HPGD: variants seen among roughly 807,000 people sequenced by gnomAD.
HPGD encodes the protein 15-hydroxyprostaglandin dehydrogenase, also known as 15-hydroxyprostaglandin dehydrogenase [NAD(+)].
A neutral mutation model predicts 30.0 loss-of-function variants in HPGD; 29 were observed. That is an observed-to-expected ratio of 0.97 (90% CI 0.72 to 1.32). The LOEUF is 1.32. Among genes scored for constraint, HPGD ranks in the 40% most tolerant of loss-of-function variants. The pLI, the probability that HPGD is intolerant of heterozygous loss-of-function variation, is 0.00. For synonymous variants in HPGD, 99 were observed against 112.4 expected (o/e 0.88, Z 0.75); for missense variants, 340 against 322.1 (o/e 1.06, Z -0.43).
intron 4 of HPGD, among the ~76,000 whole-genome samples, chr4:174,500,172 C>T (rs956421985): frequency 3.9e-5 from 6 of 152,148 alleles, no homozygotes; most frequent in Admixed American, 3.3e-4. Flanking sequence ...TGATAAATAT[C>T]AGATGTTATA....
At position 174,496,056 on chromosome 4, in the gene HPGD, CAG is replaced by C. The variant is rs1215726244; in HGVS notation, c.422-434_422-433del. On this transcript the variant is annotated intron_variant, in intron 4 of 6. Transcript: ENST00000296522. The surrounding 1 kb of genome is among the most constrained non-coding windows in gnomAD (Gnocchi z 4.6). Reference sequence around the variant, plus strand: ...TAATGGCTGAAGGAATTTGAATCTTCAGAGAGTCTTGGAGATTATTAGTCTTC... The same window carrying C: ...TAATGGCTGAAGGAATTTGAATCTTCAGAGTCTTGGAGATTATTAGTCTTC... Among the ~76,000 whole-genome samples the C allele has an allele frequency of 6.6e-6, 1 of 152,170 alleles. No individual in the cohort carries two copies. The highest frequency in any genetic ancestry group is 6.5e-5 in the Admixed American group (1 of 15,280).
Position 174,521,937 on chromosome 4 carries a change from G to C in HPGD, c.217+7C>G. 4.3e-6 allele frequency: 7 copies of C among 1,614,052 alleles called. No individual in the cohort carries two copies. The highest frequency in any genetic ancestry group is 5.9e-6 in the Non-Finnish European group (7 of 1,179,974). The stretch of plus-strand genomic sequence containing the variant: ...TCCCAGTTGACAGATTGATTCCCCT[G>C]TCTTACCTCTCAGTTGTTGCTGGTC... On this transcript the variant is annotated splice_region_variant and intron_variant, in intron 2 of 6. Transcript: ENST00000296522.
intron 3 of HPGD, among the ~76,000 whole-genome samples, chr4:174,513,786 TCTGAAAATATAGAATAG>T (rs1215835446): frequency 6.6e-6 from 1 of 151,990 alleles, no homozygotes; most frequent in African/African-American, 2.4e-5. Context: ...TAATTTTATA[TCTGAAAATATAGAATAG>T]ATTAAAAAAT....
intron 4 of HPGD, among the ~76,000 whole-genome samples, chr4:174,503,144 T>C (rs1451773017): frequency 1.3e-5 from 2 of 152,188 alleles, no homozygotes. Context: ...TGATTACTTC[T>C]ACTATGTGTC....
rs1734604677 is a variant in HPGD at position 174,496,526 on chromosome 4, T to G, written c.422-902A>C. On this transcript the variant is annotated intron_variant, in intron 4 of 6. Transcript: ENST00000296522. This position sits in a 1 kb window ranked among gnomAD's most constrained non-coding sequence, Gnocchi z 4.6. Reference sequence around the variant, plus strand: ...TTTCTCAAAATTGTTAATTATCTAATCAGCAATCAAATTGAACCAGAGTCA... The same window carrying G: ...TTTCTCAAAATTGTTAATTATCTAAGCAGCAATCAAATTGAACCAGAGTCA... Among the ~76,000 whole-genome samples the G allele has an allele frequency of 1.3e-5, 2 of 152,234 alleles. No homozygotes were observed. Among genetic ancestry groups the G allele is most frequent in the South Asian group, 4.1e-4 (2 of 4,838 alleles).
chr4:174,507,718 A>G (rs748511960), intron 4 of HPGD: 24 of 166,402 alleles, frequency 1.4e-4, no homozygotes, highest in Non-Finnish European at 3.1e-4. Context: ...ATCATTGATG[A>G]TTTTTTCCTA....
At chr4:174,501,414 G>C (rs933492252) in intron 4 of HPGD, among the ~76,000 whole-genome samples, 4 of 152,114 alleles carry the variant, frequency 2.6e-5, no homozygotes, top group African/African-American at 9.7e-5. Context: ...GTTTAACATT[G>C]TGAGAAATCC....
In HPGD at chr4:174,492,674, C is replaced by A. The variant is rs1390238912; in HGVS notation, c.662+477G>T. 6.6e-6 allele frequency among the ~76,000 whole-genome samples: 1 copy of A among 152,014 alleles called. No homozygotes were observed. Among genetic ancestry groups the A allele is most frequent in the Non-Finnish European group, 1.5e-5 (1 of 67,924 alleles). ...GTTAGTGGTAGAGCCAAGATTTGAT[C>A]TCAGGTCTGATTCCTTCAACATGAT... On this transcript the variant is annotated intron_variant, in intron 6 of 6. Transcript: ENST00000296522. The surrounding 1 kb of genome is among the most constrained non-coding windows in gnomAD (Gnocchi z 4.9).
chr4:174,510,808 G>A (rs1735449451), intron 3 of HPGD, among the ~76,000 whole-genome samples: 1 of 152,038 alleles, frequency 6.6e-6, no homozygotes. Flanking sequence ...ATATACGCAT[G>A]TGCACGTGTG....
At chr4:174,493,926 T>C (rs1396444204) in intron 5 of HPGD, among the ~76,000 whole-genome samples, 1 of 152,232 alleles carries the variant, frequency 6.6e-6, no homozygotes, top group African/African-American at 2.4e-5. Context: ...AAATCAATAC[T>C]TGTGGAGCAT....
At chr4:174,505,574 T>G (rs935148363) in intron 4 of HPGD, among the ~76,000 whole-genome samples, 1 of 152,162 alleles carries the variant, frequency 6.6e-6, no homozygotes, top group African/African-American at 2.4e-5. Flanking sequence ...ATATCCTGAA[T>G]TTTTATCAAA....
At chr4:174,511,754 C>G (rs1292872559) in intron 3 of HPGD, among the ~76,000 whole-genome samples, 1 of 152,156 alleles carries the variant, frequency 6.6e-6, no homozygotes, top group Non-Finnish European at 1.5e-5. Context: ...TCACGCCATT[C>G]GCCTGCCTCA....
chr4:174,510,201 C>T (rs1032873256), intron 3 of HPGD, among the ~76,000 whole-genome samples: 42 of 152,100 alleles, frequency 2.8e-4, no homozygotes, highest in African/African-American at 8.7e-4. Context: ...ATATACTTCT[C>T]CTACCTAACA....
chr4:174,518,623 G>T (rs1003584505), intron 2 of HPGD, among the ~76,000 whole-genome samples: 4 of 152,120 alleles, frequency 2.6e-5, no homozygotes, highest in Non-Finnish European at 5.9e-5. Flanking sequence ...CTTAGTAAAA[G>T]TCTACTTTTC....
At chr4:174,495,202 C>A (rs1301086702) in intron 5 of HPGD, among the ~76,000 whole-genome samples, 1 of 152,038 alleles carries the variant, frequency 6.6e-6, no homozygotes, top group Non-Finnish European at 1.5e-5. Flanking sequence ...TCTCTGGTGA[C>A]AAATAATGGC....
chr4:174,509,762 AT>A (rs756337059), intron 3 of HPGD, among the ~76,000 whole-genome samples: 5 of 152,186 alleles, frequency 3.3e-5, no homozygotes, highest in Non-Finnish European at 7.3e-5. Flanking sequence ...TTAAGTGGTG[AT>A]TGTCAGTTAG....
rs1434792914 is a variant in HPGD, at chr4:174,494,542, T to C, written c.498+1006A>G. Among the ~76,000 whole-genome samples, 1 of 152,242 alleles carries C rather than the reference T, an allele frequency of 6.6e-6. No individual in the cohort carries two copies. Among genetic ancestry groups the C allele is most frequent in the Admixed American group, 6.5e-5 (1 of 15,278 alleles). ...ATAAGAAGTCTGTCTGAAGATTATGTCTTTGCAAATTAAGCAATAATTTCC... is the reference window on the plus strand; with the variant it reads ...ATAAGAAGTCTGTCTGAAGATTATGCCTTTGCAAATTAAGCAATAATTTCC... On this transcript the variant is annotated intron_variant, in intron 5 of 6. Coordinates refer to ENST00000296522, the MANE Select transcript of HPGD (RefSeq NM_000860.6). The surrounding 1 kb of genome is among the most constrained non-coding windows in gnomAD (Gnocchi z 4.9).
chr4:174,499,692 C>T (rs1369096563), intron 4 of HPGD, among the ~76,000 whole-genome samples: 1 of 152,144 alleles, frequency 6.6e-6, no homozygotes, highest in African/African-American at 2.4e-5. Context: ...TTCCTTGATC[C>T]CTTCCTCAGC....
chr4:174,521,555 T>C (rs1381509150), intron 2 of HPGD, among the ~76,000 whole-genome samples: 3 of 152,252 alleles, frequency 2.0e-5, no homozygotes, highest in African/African-American at 2.4e-5. Context: ...TTGATTGTCA[T>C]TGGACTCCAG....
Sources: gnomAD v4.1 joint callset for allele counts (sites outside exome capture counted in the v4.1 genomes callset) on GRCh38, gnomAD v4.1.1 for gene constraint, Gnocchi (gnomAD v3.1) non-coding constraint, MANE v1.5 for transcripts, NCBI Gene and HGNC (gene_info 2026-07-23, HGNC 2026-07-21) for gene names.